The following RBFOX1 variants were observed in gnomAD, a reference collection of about 807,000 sequenced individuals.
RBFOX1 encodes RNA binding protein fox-1 homolog 1.
Under a neutral mutation model 57.7 loss-of-function variants are expected in RBFOX1, and 8 were observed. That is an observed-to-expected ratio of 0.14 (90% CI 0.08 to 0.25). RBFOX1 has a LOEUF of 0.25. Ranked by LOEUF, RBFOX1 falls within the 10% of genes least tolerant of loss-of-function variation. The pLI is 1.00. For synonymous variants in RBFOX1, 326 were observed against 222.4 expected, an observed-to-expected ratio of 1.47 and a Z score of -4.15; for missense variants, 611 against 548.5, an observed-to-expected ratio of 1.11 and a Z score of -1.14.
At chr16:7,064,293 T>C (rs570159068) in intron 4 of RBFOX1, among the ~76,000 whole-genome samples, 121 of 151,144 alleles carry the variant, frequency 8.0e-4, no homozygotes, top group Non-Finnish European at 1.5e-3. Flanking sequence ...CTCAGCCTCC[T>C]GAGTAGCTGG....
chr16:6,109,736 A>G (rs533342245), intron 1 of RBFOX1, among the ~76,000 whole-genome samples: 1 of 152,352 alleles, frequency 6.6e-6, no homozygotes, highest in East Asian at 1.9e-4. Flanking sequence ...TTTTATCAGT[A>G]TTATTAAAAT....
intron 1 of RBFOX1, among the ~76,000 whole-genome samples, chr16:5,258,053 A>AT (rs1400914908): frequency 4.6e-5 from 7 of 151,988 alleles, no homozygotes; most frequent in Non-Finnish European, 1.0e-4. Flanking sequence ...TAATTTGTCT[A>AT]TTTTTTGTAG....
intron 3 of RBFOX1, among the ~76,000 whole-genome samples, chr16:6,886,894 G>A (rs1334328444): frequency 6.6e-6 from 1 of 152,120 alleles, no homozygotes; most frequent in African/African-American, 2.4e-5. Context: ...GTTGCATTAG[G>A]TCACTTAGCC....
At chr16:7,001,127 A>G (rs1532223) in intron 3 of RBFOX1, among the ~76,000 whole-genome samples, 120,410 of 152,064 alleles carry the variant, frequency 0.79, 48,058 homozygotes, top group East Asian at 0.97. Context: ...ATCTTCCTTC[A>G]TTTTTTTCCA....
chr16:5,983,570 ACC>A (rs1175888323), intron 4 of RBFOX1, among the ~76,000 whole-genome samples: 3 of 152,092 alleles, frequency 2.0e-5, no homozygotes, highest in Non-Finnish European at 4.4e-5. Flanking sequence ...AAACGCTAGC[ACC>A]CTGGGCAGGA....
Position 5,774,884 on chromosome 16 carries a change from T to C in RBFOX1, c.319-92419T>C, listed in dbSNP as rs181389759. Among the ~76,000 whole-genome samples the C allele has an allele frequency of 3.2e-3, 491 of 152,272 alleles. 3 individuals carry two copies. The highest frequency in any genetic ancestry group is 7.5e-3 in the South Asian group (36 of 4,816). On this transcript the variant is annotated intron_variant, in intron 3 of 19. Transcript: ENST00000641259. Reference sequence around the variant, plus strand: ...TTTTAGTAGACCTGGAGTTTCACCATGTTGGCCAGGCTGGTCTCGAACTCC... The same window carrying C: ...TTTTAGTAGACCTGGAGTTTCACCACGTTGGCCAGGCTGGTCTCGAACTCC...
chr16:5,594,811 T>C (rs1449943828), intron 2 of RBFOX1, among the ~76,000 whole-genome samples: 1 of 151,980 alleles, frequency 6.6e-6, no homozygotes, highest in East Asian at 1.9e-4. Flanking sequence ...ATTTTACTTT[T>C]ACATGTCTAT....
chr16:7,330,594 G>C (rs1331189478), intron 4 of RBFOX1, among the ~76,000 whole-genome samples: 2 of 151,206 alleles, frequency 1.3e-5, no homozygotes, highest in Non-Finnish European at 2.9e-5. Context: ...GCAGTTTCCA[G>C]CTACCTCTTC....
At chr16:6,398,409 G>C (rs2092928857) in intron 2 of RBFOX1, among the ~76,000 whole-genome samples, 1 of 152,044 alleles carries the variant, frequency 6.6e-6, no homozygotes, top group South Asian at 2.1e-4. Flanking sequence ...AAAAGTCCAA[G>C]TCAAAAGTCT....
chr16:5,982,188 C>T (rs544966898), intron 4 of RBFOX1, among the ~76,000 whole-genome samples: 2 of 152,312 alleles, frequency 1.3e-5, no homozygotes, highest in South Asian at 2.1e-4. Flanking sequence ...TTTACCCAAG[C>T]ATGCTGAGAA....
intron 3 of RBFOX1, among the ~76,000 whole-genome samples, chr16:6,735,972 TCCC>T (rs2070150852): frequency 2.2e-3 from 1 of 458 alleles, no homozygotes; most frequent in Non-Finnish European, 3.8e-3. Flanking sequence ...AAGGTTTGCT[TCCC>T]TACTGGGCCT....
At position 5,831,713 on chromosome 16, in the gene RBFOX1, G is replaced by A. The variant is rs149136151; in HGVS notation, c.319-35590G>A. 3.1e-3 allele frequency among the ~76,000 whole-genome samples: 471 copies of A among 152,030 alleles called. 4 individuals are homozygous for A. Among genetic ancestry groups the A allele is most frequent in the African/African-American group, 0.01 (422 of 41,458 alleles). ...CATGTTGGAGAGGCTGGGATTACAG[G>A]TGTGAGCCACTGCACCTAGCCTAAA... On this transcript the variant is annotated intron_variant, in intron 3 of 19. Transcript: ENST00000641259.
At chr16:6,676,911 G>C (rs989871799) in intron 3 of RBFOX1, among the ~76,000 whole-genome samples, 1 of 151,858 alleles carries the variant, frequency 6.6e-6, no homozygotes, top group Non-Finnish European at 1.5e-5. Flanking sequence ...CTTGACCTCA[G>C]GTGATCTGCC....
At chr16:6,860,784 A>C (rs140533230) in intron 3 of RBFOX1, among the ~76,000 whole-genome samples, 9 of 152,332 alleles carry the variant, frequency 5.9e-5, no homozygotes, top group African/African-American at 2.2e-4. Flanking sequence ...AACAAAAAGT[A>C]ATTTGCAGCA....
chr16:7,337,633 C>T (rs760994469), intron 4 of RBFOX1, among the ~76,000 whole-genome samples: 1 of 152,162 alleles, frequency 6.6e-6, no homozygotes, highest in Non-Finnish European at 1.5e-5. Context: ...TGGGCTTCAT[C>T]TATACCATCC....
intron 2 of RBFOX1, among the ~76,000 whole-genome samples, chr16:5,545,385 C>T (rs919202078): frequency 7.9e-5 from 12 of 152,044 alleles, no homozygotes; most frequent in Admixed American, 3.9e-4. Context: ...GCCCTAATAG[C>T]AAAACCTGAC....
At chr16:7,697,382 A>G (rs2079121290) in intron 14 of RBFOX1, among the ~76,000 whole-genome samples, 1 of 152,166 alleles carries the variant, frequency 6.6e-6, no homozygotes, top group Admixed American at 6.5e-5. Context: ...CAAGGCTTTA[A>G]TCCCTGAGGA....
intron 3 of RBFOX1, among the ~76,000 whole-genome samples, chr16:7,012,877 A>C (rs1202201214): frequency 6.6e-6 from 1 of 152,254 alleles, no homozygotes; most frequent in Non-Finnish European, 1.5e-5. Flanking sequence ...ATTTTCCCAT[A>C]GCTGGGGAGG....
At chr16:7,341,776 C>CTCTTTCCTTCCTTCCTTCCTTCCT (rs1377056870) in intron 4 of RBFOX1, among the ~76,000 whole-genome samples, 3 of 95,120 alleles carry the variant, frequency 3.2e-5, no homozygotes, top group African/African-American at 1.2e-4. Flanking sequence ...CCCTCCCTCC[C>CTCTTTCCTTCCTTCCTTCCTTCCT]TCCTTCCTTC....
Sources: gnomAD v4.1 joint callset for allele counts (sites outside exome capture counted in the v4.1 genomes callset) on GRCh38, gnomAD v4.1.1 for gene constraint, MANE v1.5 for transcripts, NCBI Gene and HGNC (gene_info 2026-07-23, HGNC 2026-07-21) for gene names.